Variants in KCNV2 observed in about 807,000 individuals in gnomAD.
The protein encoded by KCNV2 is potassium voltage-gated channel modifier subfamily V member 2.
Under a neutral mutation model 37.0 loss-of-function variants are expected in KCNV2, and 65 were observed. That is an observed-to-expected ratio of 1.76 (90% CI 1.44 to 2.16). The LOEUF (loss-of-function observed/expected upper bound fraction) is 2.16, where lower values mean the gene tolerates loss of function less well. KCNV2 is among the 30% of genes most tolerant of loss of function. The pLI is 0.00. For missense variants in KCNV2, 1,232 were observed against 766.7 expected, an observed-to-expected ratio of 1.61 and a Z score of -7.17; for synonymous variants, 518 against 328.6, an observed-to-expected ratio of 1.58 and a Z score of -6.23.
At position 2,717,746 on chromosome 9, in the gene KCNV2, A is replaced by C; in HGVS notation, c.7A>C (p.Lys3Gln). 6.2e-7 allele frequency: 1 copy of C among 1,614,062 alleles called. No homozygotes were observed. Among genetic ancestry groups the C allele is most frequent in the Non-Finnish European group, 8.5e-7 (1 of 1,179,920 alleles). ...GCGTCCACTTTCCGCAGCCATGCTCAAACAGAGTGAGAGGAGACGGTCCTG... is the reference window on the plus strand; with the variant it reads ...GCGTCCACTTTCCGCAGCCATGCTCCAACAGAGTGAGAGGAGACGGTCCTG... MLKQSERRRSWSY... is the reference protein window; with the variant it reads MLQQSERRRSWSY... The change falls in exon 1 of 2, where the codon AAA (lysine) becomes CAA (glutamine). Residue 3 changes from lysine (K) to glutamine (Q), a missense_variant. By Grantham distance (53) the Lys-to-Gln change is moderately conservative. Transcript: ENST00000382082.
At position 2,729,363 on chromosome 9, in the gene KCNV2, C is replaced by T. The variant is rs550360190; in HGVS notation, c.1357-83C>T. 8.7e-6 allele frequency: 13 copies of T among 1,486,624 alleles called. No homozygotes were observed. In the Admixed American group the frequency reaches 1.0e-4, roughly 12 times the overall value. 92.1% of individuals were successfully genotyped at this position (1,486,624 alleles called of 1,614,324 possible). On this transcript the variant is annotated intron_variant, in intron 1 of 1. Transcript: ENST00000382082. ...TTCCCATGTGTACCCACAGGGAGGA[C>T]GCTTCCCTGCTTGCTCCTCTCCCTT...
chr9:2,726,637 C>T (rs1225529019), intron 1 of KCNV2, among the ~76,000 whole-genome samples: 2 of 152,158 alleles, frequency 1.3e-5, no homozygotes, highest in African/African-American at 4.8e-5. Flanking sequence ...CCTTAAGTGA[C>T]TTGTTTCCTC....
chr9:2,717,731 T>C lies in KCNV2; in HGVS notation c.-9T>C, dbSNP rs773711302. On this transcript the variant is annotated 5_prime_UTR_variant, in exon 1 of 2. Coordinates refer to ENST00000382082, the MANE Select transcript of KCNV2 (RefSeq NM_133497.4). ...GGAGGAAAAAGCTAGGCGTCCACTT[T>C]CCGCAGCCATGCTCAAACAGAGTGA... The C allele has an allele frequency of 3.3e-5, 54 of 1,614,036 alleles. No homozygotes were observed. In the South Asian group the frequency reaches 4.1e-4, roughly 12 times the overall value.
In KCNV2 at chr9:2,722,453, A is replaced by T. The variant is rs904721649; in HGVS notation, c.1356+3358A>T. 2.1e-5 allele frequency among the ~76,000 whole-genome samples: 3 copies of T among 140,440 alleles called. No individual in the cohort carries two copies. In the East Asian group the frequency reaches 6.0e-4, roughly 28 times the overall value. 92.1% of individuals were successfully genotyped at this position (140,440 alleles called of 152,430 possible). Reference sequence around the variant, plus strand: ...GTTATTTATAAATAAGTTATTTATAAATAGAAGTTATTTATAAATAAGTTA... The same window carrying T: ...GTTATTTATAAATAAGTTATTTATATATAGAAGTTATTTATAAATAAGTTA... On this transcript the variant is annotated intron_variant, in intron 1 of 1. Coordinates refer to ENST00000382082, the MANE Select transcript of KCNV2 (RefSeq NM_133497.4).
rs1447216340 is a variant in KCNV2 at position 2,718,763 on chromosome 9, G to T, written c.1024G>T (p.Ala342Ser). The T allele has an allele frequency of 1.2e-6, 2 of 1,611,280 alleles. No homozygotes were observed. The highest frequency in any genetic ancestry group is 4.5e-5 in the East Asian group (2 of 44,882). ...RSALNLVDLVAILPLYLQLLL... is the reference protein window; with the variant it reads ...RSALNLVDLVSILPLYLQLLL... ...CGCCCTCAACCTGGTGGACCTGGTG[G>T]CCATCCTGCCGCTCTACCTTCAGCT... The change falls in exon 1 of 2, where the codon GCC becomes TCC. Residue 342 changes from alanine to serine, a missense_variant. By Grantham distance (99) the Ala-to-Ser change is moderately conservative. Transcript: ENST00000382082.
chr9:2,718,092 TCC>T lies in KCNV2; in HGVS notation c.356_357del (p.Pro119GlnfsTer252), dbSNP rs1402837406. Reference sequence around the variant, plus strand: ...CTGGACTACTGCGAGCTGGCCGGCTTCCCCAAGACGCGCCTAGGTCGCCTGGC... The same window carrying T: ...CTGGACTACTGCGAGCTGGCCGGCTTCCAAGACGCGCCTAGGTCGCCTGGC... On this transcript the variant is annotated frameshift_variant, in exon 1 of 2. Transcript: ENST00000382082. LOFTEE classifies it high-confidence loss of function. 2.5e-6 allele frequency: 4 copies of T among 1,600,162 alleles called. No individual in the cohort carries two copies. The African/African-American group carries it at 5.4e-5, about 21-fold the overall frequency.
Position 2,719,096 on chromosome 9 carries a change from G to A in KCNV2, c.1356+1G>A, listed in dbSNP as rs1819813289. On this transcript the variant is annotated splice_donor_variant, in intron 1 of 1. Transcript: ENST00000382082. LOFTEE classifies it high-confidence loss of function. ...CCCCCACTCCTGGTGGTGGGCCGCG[G>A]TGAGTACCTTTGCCCTGGGCTTTCC... 1 of 1,608,412 alleles carries A rather than the reference G, an allele frequency of 6.2e-7. No individual in the cohort carries two copies. Among genetic ancestry groups the A allele is most frequent in the Non-Finnish European group, 8.5e-7 (1 of 1,179,976 alleles).
At chr9:2,726,327 A>T (rs1022541659) in intron 1 of KCNV2, among the ~76,000 whole-genome samples, 3 of 152,218 alleles carry the variant, frequency 2.0e-5, no homozygotes, top group Non-Finnish European at 4.4e-5. Context: ...TCAACAAATT[A>T]TTGGGGACCA....
chr9:2,719,744 A>T (rs1446928018), intron 1 of KCNV2, among the ~76,000 whole-genome samples: 2 of 152,256 alleles, frequency 1.3e-5, no homozygotes, highest in African/African-American at 4.8e-5. Flanking sequence ...ACTCACAGCT[A>T]GAGGTGGCAA....
In KCNV2 at chr9:2,718,994, G is replaced by A. The variant is rs111792867; in HGVS notation, c.1255G>A (p.Ala419Thr). Residue 419 changes from alanine to threonine, a missense_variant, in exon 1 of 2, where the codon GCC becomes ACC. Ala to Thr is a moderately conservative substitution (Grantham distance 58). Transcript: ENST00000382082. ...QQVGCLLLFI[A>T]MGIFTFSAAV... Reference sequence around the variant, plus strand: ...GGTGGGCTGCCTGCTGCTCTTCATCGCCATGGGCATCTTCACTTTCTCTGC... The same window carrying A: ...GGTGGGCTGCCTGCTGCTCTTCATCACCATGGGCATCTTCACTTTCTCTGC... 1.2e-5 allele frequency: 19 copies of A among 1,612,280 alleles called. No homozygotes were observed. The highest frequency in any genetic ancestry group is 3.3e-5 in the Admixed American group (2 of 60,030).
intron 1 of KCNV2, among the ~76,000 whole-genome samples, chr9:2,723,868 G>A (rs1373486816): frequency 6.6e-6 from 1 of 152,150 alleles, no homozygotes; most frequent in Non-Finnish European, 1.5e-5. Flanking sequence ...TTGCCTGGGG[G>A]TAGGAAATGC....
chr9:2,719,026 C>G lies in KCNV2; in HGVS notation c.1287C>G (p.Val429=). The change falls in exon 1 of 2, where the codon GTC becomes GTG. Residue 429 remains valine (V), a synonymous_variant. Coordinates refer to ENST00000382082, the MANE Select transcript of KCNV2 (RefSeq NM_133497.4). The part of the protein sequence containing the change: ...AMGIFTFSAA[V]YSVEHDVPST... The stretch of plus-strand genomic sequence containing the variant: ...GCATCTTCACTTTCTCTGCGGCTGT[C>G]TACTCTGTGGAGCACGATGTGCCCA... 6.2e-7 allele frequency: 1 copy of G among 1,613,018 alleles called. No homozygotes were observed. Among genetic ancestry groups the G allele is most frequent in the Non-Finnish European group, 8.5e-7 (1 of 1,180,034 alleles).
intron 1 of KCNV2, among the ~76,000 whole-genome samples, chr9:2,726,388 T>A (rs1374202882): frequency 6.6e-6 from 1 of 152,140 alleles, no homozygotes; most frequent in Admixed American, 6.5e-5. Flanking sequence ...AAATAGAGAT[T>A]GAAGATATAC....
chr9:2,718,315 C>A lies in KCNV2; in HGVS notation c.576C>A (p.Leu192=). ...LEELGYWGVR[L]KYTPRCCRIC... ...AGCTGGGCTACTGGGGCGTGCGGCT[C>A]AAGTACACGCCACGCTGCTGCCGCA... Residue 192 remains leucine (L), a synonymous_variant, in exon 1 of 2, where the codon CTC becomes CTA. Coordinates refer to ENST00000382082, the MANE Select transcript of KCNV2 (RefSeq NM_133497.4). 1 of 1,606,910 alleles carries A rather than the reference C, an allele frequency of 6.2e-7. No homozygotes were observed. The highest frequency in any genetic ancestry group is 1.1e-5 in the South Asian group (1 of 90,414).
chr9:2,726,569 C>G (rs1374968652), intron 1 of KCNV2, among the ~76,000 whole-genome samples: 3 of 152,118 alleles, frequency 2.0e-5, no homozygotes, highest in African/African-American at 7.2e-5. Context: ...AGCAGTTTAT[C>G]TTAATTATTT....
intron 1 of KCNV2, among the ~76,000 whole-genome samples, chr9:2,728,645 G>T (rs1018035513): frequency 1.3e-5 from 2 of 152,158 alleles, no homozygotes; most frequent in African/African-American, 4.8e-5. Flanking sequence ...ACAAAATAAT[G>T]AGAGTGTTTC....
rs1490572591 is a variant in KCNV2 at position 2,718,095 on chromosome 9, C to A, written c.356C>A (p.Pro119His). ...QLDYCELAGF[P>H]KTRLGRLATS... ...GACTACTGCGAGCTGGCCGGCTTCC[C>A]CAAGACGCGCCTAGGTCGCCTGGCC... Residue 119 changes from proline to histidine, a missense_variant, in exon 1 of 2, where the codon CCC (proline) becomes CAC (histidine). Transcript: ENST00000382082. The A allele has an allele frequency of 3.1e-6, 5 of 1,599,652 alleles. No homozygotes were observed. Among genetic ancestry groups the A allele is most frequent in the Non-Finnish European group, 2.6e-6 (3 of 1,173,092 alleles).
In KCNV2 at chr9:2,718,312, G is replaced by A. The variant is rs768859361; in HGVS notation, c.573G>A (p.Arg191=). The change falls in exon 1 of 2, where the codon CGG becomes CGA. Residue 191 remains arginine, a synonymous_variant. Transcript: ENST00000382082. The part of the protein sequence containing the change: ...FLEELGYWGV[R]LKYTPRCCRI... ...AGGAGCTGGGCTACTGGGGCGTGCG[G>A]CTCAAGTACACGCCACGCTGCTGCC... The A allele has an allele frequency of 1.7e-5, 27 of 1,607,480 alleles. No individual in the cohort carries two copies. Among genetic ancestry groups the A allele is most frequent in the South Asian group, 7.7e-5 (7 of 90,488 alleles).
chr9:2,729,750 G>A lies in KCNV2; in HGVS notation c.*23G>A, dbSNP rs1820037576. The A allele has an allele frequency of 5.0e-6, 8 of 1,612,436 alleles. No homozygotes were observed. In the Admixed American group the frequency reaches 1.0e-4, roughly 20 times the overall value. On this transcript the variant is annotated 3_prime_UTR_variant, in exon 2 of 2. Transcript: ENST00000382082. Reference sequence around the variant, plus strand: ...TAGTATTTTATAGGACATGTGGCTGGTAGATTCCATGAACTTCAAGGCTTC... The same window carrying A: ...TAGTATTTTATAGGACATGTGGCTGATAGATTCCATGAACTTCAAGGCTTC...
Sources: allele counts gnomAD v4.1 joint callset (sites outside exome capture counted in the v4.1 genomes callset), GRCh38; gene constraint gnomAD v4.1.1; transcripts MANE v1.5; gene names NCBI Gene and HGNC (gene_info 2026-07-23, HGNC 2026-07-21).